TFEC: variants seen among roughly 807,000 people sequenced by gnomAD.
The protein encoded by TFEC is transcription factor EC.
A neutral mutation model predicts 41.6 loss-of-function variants in TFEC; 31 were observed. That is an observed-to-expected ratio of 0.74 (90% CI 0.56 to 1.01). The LOEUF (loss-of-function observed/expected upper bound fraction) is 1.01, where lower values mean the gene tolerates loss of function less well. Among genes scored for constraint, TFEC ranks in the 50% least tolerant of loss-of-function variants. The probability of loss-of-function intolerance (pLI) is 0.00; values close to 1 mark genes in which losing one functional copy is unlikely to be tolerated. For missense variants in TFEC, 402 were observed against 404.1 expected (o/e 0.99, Z 0.04); for synonymous variants, 143 against 140.6 (o/e 1.02, Z -0.12).
intron 1 of TFEC, among the ~76,000 whole-genome samples, chr7:115,994,349 G>C (rs1007328982): frequency 3.9e-5 from 6 of 152,006 alleles, no homozygotes; most frequent in African/African-American, 1.4e-4. Flanking sequence ...AGCCAAAATT[G>C]ACAAATGGGA....
intron 1 of TFEC, among the ~76,000 whole-genome samples, chr7:116,015,734 C>T (rs1252898495): frequency 2.6e-5 from 4 of 152,084 alleles, no homozygotes; most frequent in Admixed American, 1.3e-4. Flanking sequence ...GGAAGATTCA[C>T]ATATTATGCA....
chr7:116,091,387 T>C (rs1344655207), intron 3 of TFEC, among the ~76,000 whole-genome samples: 1 of 152,204 alleles, frequency 6.6e-6, no homozygotes, highest in Non-Finnish European at 1.5e-5. Flanking sequence ...AATGTGTAAA[T>C]AGTGAAACAA....
At chr7:115,998,771 A>G (rs889157024) in intron 1 of TFEC, among the ~76,000 whole-genome samples, 1 of 152,060 alleles carries the variant, frequency 6.6e-6, no homozygotes, top group African/African-American at 2.4e-5. Flanking sequence ...CCAATCAGTA[A>G]GAAGATATAA....
intron 6 of TFEC, among the ~76,000 whole-genome samples, chr7:115,950,164 A>C (rs186401565): frequency 6.0e-4 from 91 of 151,990 alleles, no homozygotes; most frequent in African/African-American, 2.0e-3. Flanking sequence ...GGCATGCACC[A>C]CCACACCTGG....
At chr7:116,058,241 G>A (rs185721475) in intron 3 of TFEC, among the ~76,000 whole-genome samples, 25 of 151,732 alleles carry the variant, frequency 1.6e-4, no homozygotes, top group East Asian at 1.5e-3. Flanking sequence ...GGCTATATTC[G>A]TACCAATTAA....
intron 1 of TFEC, among the ~76,000 whole-genome samples, chr7:116,014,435 G>A (rs954750629): frequency 6.6e-6 from 1 of 151,370 alleles, no homozygotes; most frequent in Admixed American, 6.6e-5. Context: ...TAACTTCATA[G>A]AGGAGGACCC....
intron 2 of TFEC, among the ~76,000 whole-genome samples, chr7:115,983,196 TG>T (rs1793704892): frequency 6.6e-6 from 1 of 152,166 alleles, no homozygotes; most frequent in African/African-American, 2.4e-5. Context: ...TATCCACTAC[TG>T]TAAAGTTTGA....
chr7:116,098,893 AG>A (rs1797536933), intron 3 of TFEC, among the ~76,000 whole-genome samples: 1 of 144,578 alleles, frequency 6.9e-6, no homozygotes, highest in Non-Finnish European at 1.5e-5. Flanking sequence ...GAAGGAAGGA[AG>A]GAAGGAAGGA....
chr7:116,096,556 T>C (rs1392084779), intron 3 of TFEC, among the ~76,000 whole-genome samples: 2 of 152,090 alleles, frequency 1.3e-5, no homozygotes, highest in Non-Finnish European at 2.9e-5. Context: ...AACTTCTCCA[T>C]GACATATGAT....
chr7:116,051,880 T>C (rs1458170684), intron 3 of TFEC, among the ~76,000 whole-genome samples: 1 of 152,004 alleles, frequency 6.6e-6, no homozygotes, highest in Non-Finnish European at 1.5e-5. Context: ...AAGGATTAGG[T>C]AAGTAACTTT....
intron 1 of TFEC, among the ~76,000 whole-genome samples, chr7:116,000,907 A>G (rs925493270): frequency 3.3e-5 from 5 of 152,118 alleles, no homozygotes; most frequent in African/African-American, 1.2e-4. Flanking sequence ...TGCAATCCCT[A>G]TCAAAATACT....
chr7:116,050,674 T>A (rs1012982791), intron 3 of TFEC, among the ~76,000 whole-genome samples: 1 of 147,924 alleles, frequency 6.8e-6, no homozygotes, highest in African/African-American at 2.5e-5. Flanking sequence ...TGTAGAGAAA[T>A]AGGAACACTT....
chr7:116,123,972 T>C (rs1310812913), intron 1 of TFEC, among the ~76,000 whole-genome samples: 2 of 152,150 alleles, frequency 1.3e-5, no homozygotes, highest in Non-Finnish European at 2.9e-5. Context: ...ATGGATAGAT[T>C]AGAATTCCTG....
At position 116,011,821 on chromosome 7, in the gene TFEC, G is replaced by A. The variant is rs1335934218; in HGVS notation, c.-73+18812C>T. On this transcript the variant is annotated intron_variant, in intron 1 of 7. Transcript: ENST00000265440. ...TCTCACTAGATCACTTCACAACAGA[G>A]CTAGTTGTTTAAAAGAGCTTGGAAA... Among the ~76,000 whole-genome samples, 9 of 152,160 alleles carry A rather than the reference G, an allele frequency of 5.9e-5. No homozygotes were observed. The East Asian group carries it at 1.7e-3, about 29-fold the overall frequency.
chr7:116,013,825 T>C (rs942049321), intron 1 of TFEC, among the ~76,000 whole-genome samples: 14 of 152,176 alleles, frequency 9.2e-5, no homozygotes, highest in South Asian at 2.1e-4. Flanking sequence ...TTTCCAAATA[T>C]AGGTGGAACT....
intron 1 of TFEC, among the ~76,000 whole-genome samples, chr7:116,029,831 C>T (rs1412826113): frequency 6.6e-6 from 1 of 151,692 alleles, no homozygotes; most frequent in Non-Finnish European, 1.5e-5. Context: ...GAGGCCAAGG[C>T]AGGCAGATCA....
At chr7:116,127,702 A>C (rs1307236213) in intron 1 of TFEC, among the ~76,000 whole-genome samples, 1 of 151,752 alleles carries the variant, frequency 6.6e-6, no homozygotes, top group Admixed American at 6.6e-5. Flanking sequence ...AAAAAAAAAA[A>C]AAAAAAAGAT....
At chr7:116,018,576 T>C (rs1235036194) in intron 1 of TFEC, among the ~76,000 whole-genome samples, 1 of 152,196 alleles carries the variant, frequency 6.6e-6, no homozygotes, top group Admixed American at 6.5e-5. Context: ...TCATTCTACT[T>C]CTGTGAAAGA....
intron 6 of TFEC, among the ~76,000 whole-genome samples, chr7:115,948,321 A>C (rs1424446308): frequency 6.6e-6 from 1 of 151,782 alleles, no homozygotes; most frequent in Admixed American, 6.6e-5. Context: ...CAATAGAAAA[A>C]GAGGGAATCC....
Sources: allele counts gnomAD v4.1 joint callset (sites outside exome capture counted in the v4.1 genomes callset), GRCh38; gene constraint gnomAD v4.1.1; transcripts MANE v1.5; gene names NCBI Gene and HGNC (gene_info 2026-07-23, HGNC 2026-07-21).